MICU1: variants seen among roughly 807,000 people sequenced by gnomAD.
MICU1 encodes the protein mitochondrial calcium uptake 1, also known as calcium uptake protein 1, mitochondrial.
In MICU1, 45 loss-of-function variants were observed where a neutral mutation model predicts 56.8. The observed-to-expected ratio is 0.79, with a 90% CI of 0.62 to 1.02. The LOEUF (loss-of-function observed/expected upper bound fraction) is 1.02, where lower values mean the gene tolerates loss of function less well. MICU1 is among the 50% of genes least tolerant of loss of function. The probability of loss-of-function intolerance (pLI) is 0.00; values close to 1 mark genes in which losing one functional copy is unlikely to be tolerated. For synonymous variants in MICU1, 186 were observed against 195.1 expected, an observed-to-expected ratio of 0.95 and a Z score of 0.39; for missense variants, 504 against 587.1, an observed-to-expected ratio of 0.86 and a Z score of 1.46.
intron 4 of MICU1, among the ~76,000 whole-genome samples, chr10:72,537,598 A>G (rs895365468): frequency 2.6e-5 from 4 of 152,216 alleles, no homozygotes; most frequent in African/African-American, 9.6e-5. Context: ...TGATATAAAC[A>G]CTACCTTTGC....
At chr10:72,570,189 C>T (rs1049556943) in intron 1 of MICU1, among the ~76,000 whole-genome samples, 5 of 152,160 alleles carry the variant, frequency 3.3e-5, no homozygotes, top group Non-Finnish European at 7.4e-5. Context: ...AAGTGATCTG[C>T]CCGCCTTGGC....
chr10:72,564,299 G>A (rs775567708), intron 2 of MICU1, among the ~76,000 whole-genome samples: 7 of 152,138 alleles, frequency 4.6e-5, no homozygotes, highest in African/African-American at 7.2e-5. Flanking sequence ...CCAGCACTTC[G>A]GGAGGCCGAG....
At position 72,562,147 on chromosome 10, in the gene MICU1, CT is replaced by C. The variant is rs533702573; in HGVS notation, c.330+747del. Among the ~76,000 whole-genome samples, 305 of 82,622 alleles carry C rather than the reference CT, an allele frequency of 3.7e-3. 2 individuals carry two copies. Among genetic ancestry groups the C allele is most frequent in the South Asian group, 0.026 (55 of 2,112 alleles). 54.2% of individuals were successfully genotyped at this position (82,622 alleles called of 152,430 possible). ...GCAGGTTGTGTTAATTACATAAAAT[CT>C]TTTTTTTTTTTTTTTTTTTTTTTGA... On this transcript the variant is annotated intron_variant, in intron 3 of 11. Transcript: ENST00000361114.
chr10:72,396,749 G>C (rs191950215), intron 10 of MICU1, among the ~76,000 whole-genome samples: 1 of 152,124 alleles, frequency 6.6e-6, no homozygotes, highest in Non-Finnish European at 1.5e-5. Context: ...AGAGTTAAAA[G>C]AAATGAACAA....
chr10:72,409,633 G>A (rs900472289), intron 9 of MICU1, among the ~76,000 whole-genome samples: 9 of 152,220 alleles, frequency 5.9e-5, no homozygotes, highest in Admixed American at 1.3e-4. Flanking sequence ...AGAGGTTGCA[G>A]GGAGCTGAGA....
At chr10:72,620,936 T>C (rs3000969) in intron 1 of MICU1, among the ~76,000 whole-genome samples, 92,877 of 151,996 alleles carry the variant, frequency 0.61, 29,815 homozygotes, top group Non-Finnish European at 0.71. Flanking sequence ...TCTTAAAGCA[T>C]GATTGGCCAG....
chr10:72,486,020 G>T (rs967501041), intron 6 of MICU1, among the ~76,000 whole-genome samples: 6 of 151,692 alleles, frequency 4.0e-5, no homozygotes, highest in Non-Finnish European at 8.8e-5. Flanking sequence ...TAAAAAAAAA[G>T]TGACAAGAAA....
chr10:72,373,559 A>C (rs958508707), intron 11 of MICU1, among the ~76,000 whole-genome samples: 36 of 152,214 alleles, frequency 2.4e-4, no homozygotes, highest in African/African-American at 8.7e-4. Flanking sequence ...TTTCTAGATT[A>C]AGAAAATAAA....
intron 5 of MICU1, among the ~76,000 whole-genome samples, chr10:72,518,588 G>T (rs931781168): frequency 6.6e-6 from 1 of 152,118 alleles, no homozygotes; most frequent in Non-Finnish European, 1.5e-5. Context: ...TTTAGTAAGG[G>T]TCTATGAGAA....
At chr10:72,623,300 C>CAAAAAAAAAAAAAAAAAAAAAAAAAAAA (rs1164753291) in intron 1 of MICU1, among the ~76,000 whole-genome samples, 1 of 55,948 alleles carries the variant, frequency 1.8e-5, no homozygotes, top group Non-Finnish European at 3.0e-5. Flanking sequence ...GACTCCGTCT[C>CAAAAAAAAAAAAAAAAAAAAAAAAAAAA]AAAAAAAAAA....
chr10:72,573,313 A>AG (rs1840658112), intron 1 of MICU1, among the ~76,000 whole-genome samples: 1 of 148,128 alleles, frequency 6.8e-6, no homozygotes, highest in African/African-American at 2.5e-5. Flanking sequence ...ACTACAAAAA[A>AG]AAAAAAAAAA....
chr10:72,471,136 G>C (rs1332937985), intron 8 of MICU1, among the ~76,000 whole-genome samples: 1 of 152,086 alleles, frequency 6.6e-6, no homozygotes, highest in Non-Finnish European at 1.5e-5. Flanking sequence ...CCAGGCTGGA[G>C]TGCAGTGGCG....
At chr10:72,476,487 C>T (rs1455022459) in intron 7 of MICU1, among the ~76,000 whole-genome samples, 1 of 152,104 alleles carries the variant, frequency 6.6e-6, no homozygotes, top group Non-Finnish European at 1.5e-5. Flanking sequence ...CCTCTGCCTC[C>T]CAAAGTGCTG....
intron 5 of MICU1, chr10:72,523,814 C>G: frequency 6.6e-7 from 1 of 1,525,466 alleles, no homozygotes. Flanking sequence ...TTAGGAGTGT[C>G]CTTGAAGATC....
chr10:72,550,422 C>T (rs1261587656), intron 4 of MICU1, among the ~76,000 whole-genome samples: 1 of 152,118 alleles, frequency 6.6e-6, no homozygotes, highest in Non-Finnish European at 1.5e-5. Context: ...AATGAAATCA[C>T]CTAAGGACAC....
chr10:72,481,623 G>A (rs1404557144), intron 6 of MICU1, among the ~76,000 whole-genome samples: 2 of 152,052 alleles, frequency 1.3e-5, no homozygotes, highest in East Asian at 3.9e-4. Context: ...TATTGGCCAG[G>A]CTGTTCTAGA....
At chr10:72,416,324 G>A (rs1863983065) in intron 9 of MICU1, among the ~76,000 whole-genome samples, 1 of 152,234 alleles carries the variant, frequency 6.6e-6, no homozygotes, top group African/African-American at 2.4e-5. Flanking sequence ...ACAACAAAAA[G>A]TAGAGTTCTA....
chr10:72,559,595 G>A (rs1305660998), intron 3 of MICU1, among the ~76,000 whole-genome samples: 1 of 152,186 alleles, frequency 6.6e-6, no homozygotes, highest in South Asian at 2.1e-4. Flanking sequence ...GGAGGCCAAG[G>A]TGGGAGGATT....
chr10:72,545,727 C>G (rs911028253), intron 4 of MICU1, among the ~76,000 whole-genome samples: 1 of 152,160 alleles, frequency 6.6e-6, no homozygotes, highest in African/African-American at 2.4e-5. Flanking sequence ...TCCTCAGGAT[C>G]AGACAAAGAC....
Sources: gnomAD v4.1 joint callset for allele counts (sites outside exome capture counted in the v4.1 genomes callset) on GRCh38, gnomAD v4.1.1 for gene constraint, MANE v1.5 for transcripts, NCBI Gene and HGNC (gene_info 2026-07-23, HGNC 2026-07-21) for gene names.